ABAT: variants seen among roughly 807,000 people sequenced by gnomAD.
The protein encoded by ABAT is 4-aminobutyrate aminotransferase.
ABAT carries 45 observed loss-of-function variants against 64.6 expected under a neutral mutation model. The ratio of observed to expected loss-of-function variants is 0.70; its 90% confidence interval spans 0.55 to 0.89. The LOEUF (loss-of-function observed/expected upper bound fraction) is 0.89. Ranked by LOEUF, ABAT falls within the 40% of genes least tolerant of loss-of-function variation. The pLI is 0.00. For missense variants in ABAT, 633 were observed against 658.4 expected, an observed-to-expected ratio of 0.96 and a Z score of 0.42; for synonymous variants, 297 against 250.5, an observed-to-expected ratio of 1.19 and a Z score of -1.75.
chr16:8,754,239 C>T (rs2059578328), intron 5 of ABAT, among the ~76,000 whole-genome samples: 1 of 144,252 alleles, frequency 6.9e-6, no homozygotes, highest in South Asian at 2.2e-4. Context: ...CCTGTAATCC[C>T]AGCTATTCGG....
intron 3 of ABAT, 63 bp from the exon 4 acceptor site, chr16:8,748,045 A>G: frequency 6.6e-7 from 1 of 1,520,112 alleles, no homozygotes; most frequent in Non-Finnish European, 9.1e-7. Context: ...AACATGAAAG[A>G]TTTTAAGCTA....
At chr16:8,686,804 A>G (rs1312819306) in intron 1 of ABAT, among the ~76,000 whole-genome samples, 1 of 152,214 alleles carries the variant, frequency 6.6e-6, no homozygotes, top group Non-Finnish European at 1.5e-5. Context: ...TTTGCACCTA[A>G]TGATCACAGC....
Position 8,691,884 on chromosome 16 carries a change from T to G in ABAT, c.-42+17173T>G, listed in dbSNP as rs2057591621. ...CCTCCCTCCGCAACAAAGAATTACC[T>G]GGCCCCAAAAGTCAATAGTGCTGAG... On this transcript the variant is annotated intron_variant, in intron 1 of 15. Coordinates refer to ENST00000268251, the MANE Select transcript of ABAT (RefSeq NM_020686.6). Among the ~76,000 whole-genome samples the G allele has an allele frequency of 2.0e-5, 3 of 152,226 alleles. No individual in the cohort carries two copies. In the South Asian group the frequency reaches 6.2e-4, roughly 31 times the overall value.
At chr16:8,715,229 G>A (rs1221038171) in intron 1 of ABAT, 1 of 152,190 alleles carries the variant, frequency 6.6e-6, no homozygotes, top group African/African-American at 2.4e-5. Flanking sequence ...AAAGGCAAAA[G>A]GGCTGAGAAA....
chr16:8,709,243 T>TC (rs1467688898), intron 1 of ABAT, among the ~76,000 whole-genome samples: 1 of 152,024 alleles, frequency 6.6e-6, no homozygotes, highest in Non-Finnish European at 1.5e-5. Flanking sequence ...TTTATCTTTT[T>TC]TCAACTTTTG....
At chr16:8,743,580 AATAT>A (rs200195308) in intron 2 of ABAT, among the ~76,000 whole-genome samples, 6,515 of 144,406 alleles carry the variant, frequency 0.045, 201 homozygotes, top group South Asian at 0.096. Flanking sequence ...TTTAATATAT[AATAT>A]ATTTTAGTTG....
chr16:8,681,006 C>T (rs2057320970), intron 1 of ABAT, among the ~76,000 whole-genome samples: 1 of 144,392 alleles, frequency 6.9e-6, no homozygotes. Context: ...GAGACAGAGT[C>T]TCACCCTGTC....
At chr16:8,733,646 A>C (rs1687792836) in intron 1 of ABAT, among the ~76,000 whole-genome samples, 1 of 151,884 alleles carries the variant, frequency 6.6e-6, no homozygotes, top group Non-Finnish European at 1.5e-5. Flanking sequence ...CCTGGCCAAC[A>C]CAGCGAAACC....
intron 1 of ABAT, among the ~76,000 whole-genome samples, chr16:8,708,509 C>A (rs1262002445): frequency 6.6e-6 from 1 of 152,132 alleles, no homozygotes; most frequent in Non-Finnish European, 1.5e-5. Context: ...CTTTGTTGCC[C>A]AGGCTGGTCT....
At chr16:8,712,185 G>T (rs1057341491) in intron 1 of ABAT, among the ~76,000 whole-genome samples, 3 of 151,914 alleles carry the variant, frequency 2.0e-5, no homozygotes, top group Non-Finnish European at 2.9e-5. Flanking sequence ...GAGCCACGAT[G>T]GTACCACTGC....
intron 1 of ABAT, among the ~76,000 whole-genome samples, chr16:8,676,328 C>T (rs2057201695): frequency 6.6e-6 from 1 of 152,024 alleles, no homozygotes; most frequent in African/African-American, 2.4e-5. Flanking sequence ...GTCACCCAGC[C>T]TGTGGGAGAC....
rs77338185 is a variant in ABAT, at chr16:8,710,909, A to G, written c.-41-24790A>G. Among the ~76,000 whole-genome samples, 659 of 152,302 alleles carry G rather than the reference A, an allele frequency of 4.3e-3. 6 individuals are homozygous for G. The highest frequency in any genetic ancestry group is 0.015 in the African/African-American group (641 of 41,568). On this transcript the variant is annotated intron_variant, in intron 1 of 15. Transcript: ENST00000268251. ...CTTTAGAACAAGAGAGAAGACCGAC[A>G]TTTATTACAACCAGCAACCAACATT...
intron 2 of ABAT, among the ~76,000 whole-genome samples, chr16:8,737,953 G>GAAGAA (rs751998726): frequency 6.1e-4 from 5 of 8,172 alleles, no homozygotes; most frequent in Non-Finnish European, 1.1e-3. Flanking sequence ...AGGAAGAAAG[G>GAAGAA]AAGGAAGGAA....
chr16:8,699,742 T>C (rs2057778151), intron 1 of ABAT, among the ~76,000 whole-genome samples: 1 of 152,004 alleles, frequency 6.6e-6, no homozygotes. Flanking sequence ...TTTTTGGTAA[T>C]TTTTGTAGAG....
intron 1 of ABAT, among the ~76,000 whole-genome samples, chr16:8,709,139 A>G (rs1441275297): frequency 7.2e-5 from 11 of 152,156 alleles, no homozygotes; most frequent in African/African-American, 2.4e-5. Flanking sequence ...CTAATTTATT[A>G]CCTGTTGAAA....
intron 10 of ABAT, 146 bp from the exon 11 acceptor site, chr16:8,768,679 C>G (rs143475961): frequency 8.9e-7 from 1 of 1,129,784 alleles, no homozygotes; most frequent in Non-Finnish European, 1.3e-6. Flanking sequence ...AAAAATTAAA[C>G]GATAAAAAGA....
rs2058406956 is a variant in ABAT at position 8,722,702 on chromosome 16, G to A, written c.-41-12997G>A. On this transcript the variant is annotated intron_variant, in intron 1 of 15. Transcript: ENST00000268251. ...CAACCTCCTTGGTCACAATTTCATG[G>A]CGTGCCAGTGCTCTGAAAGCACCTC... 4.4e-6 allele frequency: 3 copies of A among 681,964 alleles called. No homozygotes were observed. In the African/African-American group the frequency reaches 5.7e-5, roughly 13 times the overall value. 42.2% of individuals were successfully genotyped at this position (681,964 alleles called of 1,614,324 possible).
At chr16:8,743,057 C>G (rs1166731128) in intron 2 of ABAT, among the ~76,000 whole-genome samples, 2 of 148,048 alleles carry the variant, frequency 1.4e-5, no homozygotes, top group East Asian at 2.0e-4. Context: ...ACCTTTAGCT[C>G]TCTTCTAATG....
chr16:8,713,994 G>A, intron 1 of ABAT: 1 of 440,816 alleles, frequency 2.3e-6, no homozygotes, highest in Non-Finnish European at 4.6e-6. Flanking sequence ...CAGGTCGGGG[G>A]GGCACACACC....
Sources: allele counts gnomAD v4.1 joint callset (sites outside exome capture counted in the v4.1 genomes callset), GRCh38; gene constraint gnomAD v4.1.1; transcripts MANE v1.5; gene names NCBI Gene and HGNC (gene_info 2026-07-23, HGNC 2026-07-21).